The following RIC8B variants were observed in gnomAD, a reference collection of about 807,000 sequenced individuals.
RIC8B encodes RIC8 guanine nucleotide exchange factor B, also known as chaperone Ric-8B.
RIC8B carries 16 observed loss-of-function variants against 57.5 expected under a neutral mutation model. The observed-to-expected ratio is 0.28, with a 90% CI of 0.19 to 0.42. The LOEUF (loss-of-function observed/expected upper bound fraction) is 0.42. Among genes scored for constraint, RIC8B ranks in the 10% least tolerant of loss-of-function variants. RIC8B has a pLI of 1.00. For synonymous variants in RIC8B, 216 were observed against 250.8 expected (o/e 0.86, Z 1.31); for missense variants, 481 against 677.0 (o/e 0.71, Z 3.21).
chr12:106,813,469 C>T lies in RIC8B; in HGVS notation c.133-1227C>T, dbSNP rs184285008. On this transcript the variant is annotated intron_variant, in intron 2 of 9. Transcript: ENST00000392837. ...CCTCTTGAAGTGCTGGGATTACAGGCGTGAGCCACTGCGTCCAGCCTTCTA... is the reference window on the plus strand; with the variant it reads ...CCTCTTGAAGTGCTGGGATTACAGGTGTGAGCCACTGCGTCCAGCCTTCTA... 2.0e-3 allele frequency among the ~76,000 whole-genome samples: 309 copies of T among 152,240 alleles called. 1 individual carries two copies. Among genetic ancestry groups the T allele is most frequent in the African/African-American group, 6.5e-3 (271 of 41,550 alleles).
intron 6 of RIC8B, among the ~76,000 whole-genome samples, chr12:106,846,723 CAAAA>C (rs35399211): frequency 1.7e-5 from 2 of 120,538 alleles, no homozygotes; most frequent in Non-Finnish European, 3.6e-5. Context: ...ACAGAACAGC[CAAAA>C]AAAAAAAAAA....
chr12:106,780,887 C>T (rs1437592169), intron 1 of RIC8B, among the ~76,000 whole-genome samples: 1 of 152,108 alleles, frequency 6.6e-6, no homozygotes, highest in African/African-American at 2.4e-5. Context: ...TGCAAGGTGC[C>T]ATGCTTATAA....
At chr12:106,776,453 A>G (rs1411380803) in intron 1 of RIC8B, among the ~76,000 whole-genome samples, 1 of 152,234 alleles carries the variant, frequency 6.6e-6, no homozygotes, top group Admixed American at 6.5e-5. Context: ...ATGTTTATTT[A>G]GCACTTACTA....
chr12:106,823,148 C>T (rs1221598620), intron 3 of RIC8B: 4 of 218,330 alleles, frequency 1.8e-5, no homozygotes, highest in Non-Finnish European at 2.8e-5. Context: ...AACACACACC[C>T]TCTTTCCTCA....
At chr12:106,802,437 A>G (rs531554835) in intron 2 of RIC8B, among the ~76,000 whole-genome samples, 1 of 152,184 alleles carries the variant, frequency 6.6e-6, no homozygotes, top group Admixed American at 6.5e-5. Flanking sequence ...ACAAAAAAGC[A>G]GGGAAGGAGG....
At chr12:106,789,292 A>G (rs181503645) in intron 2 of RIC8B, among the ~76,000 whole-genome samples, 6 of 152,166 alleles carry the variant, frequency 3.9e-5, no homozygotes, top group African/African-American at 1.4e-4. Context: ...AGGAGGTTCC[A>G]AACTTTCCCA....
At chr12:106,853,358 T>C (rs1366553324) in intron 7 of RIC8B, among the ~76,000 whole-genome samples, 2 of 151,456 alleles carry the variant, frequency 1.3e-5, no homozygotes, top group African/African-American at 4.8e-5. Flanking sequence ...TTGGACCCAG[T>C]ATTTAGTTTC....
At chr12:106,822,824 A>G (rs2045913646) in intron 3 of RIC8B, 1 of 152,610 alleles carries the variant, frequency 6.6e-6, no homozygotes, top group Non-Finnish European at 1.5e-5. Context: ...TACACAGAGT[A>G]GTGTGAATGA....
chr12:106,825,530 A>G (rs1037013), intron 3 of RIC8B, among the ~76,000 whole-genome samples, 196 bp from the exon 4 acceptor site: 69,113 of 152,012 alleles, frequency 0.45, 16,242 homozygotes, highest in African/African-American at 0.57. Context: ...CAGCATTTCT[A>G]GAAGTGGTTA....
chr12:106,874,669 CT>C, intron 9 of RIC8B: 1 of 887,316 alleles, frequency 1.1e-6, no homozygotes, highest in South Asian at 1.6e-5. Flanking sequence ...AATTACATTT[CT>C]ATTTTGCCTC....
chr12:106,850,196 C>A (rs1949404150), intron 6 of RIC8B, among the ~76,000 whole-genome samples: 1 of 152,188 alleles, frequency 6.6e-6, no homozygotes, highest in Non-Finnish European at 1.5e-5. Flanking sequence ...AACCACCCAC[C>A]AAGCCCCAGT....
chr12:106,880,572 C>T (rs1950877942), intron 9 of RIC8B, among the ~76,000 whole-genome samples: 1 of 152,148 alleles, frequency 6.6e-6, no homozygotes, highest in Admixed American at 6.5e-5. Flanking sequence ...TCAGTCTATA[C>T]CAGTTAGTTA....
chr12:106,789,544 C>T (rs1244232210), intron 2 of RIC8B, among the ~76,000 whole-genome samples: 6 of 151,960 alleles, frequency 3.9e-5, no homozygotes, highest in East Asian at 3.9e-4. Flanking sequence ...TGGTGGGAGG[C>T]GAAAGGTACT....
At chr12:106,874,447 T>G in intron 9 of RIC8B, 1 of 1,505,576 alleles carries the variant, frequency 6.6e-7, no homozygotes. Context: ...GGCCAATGAA[T>G]GGACACTAGA....
At chr12:106,782,222 T>C (rs547317795) in intron 1 of RIC8B, among the ~76,000 whole-genome samples, 3 of 152,332 alleles carry the variant, frequency 2.0e-5, no homozygotes, top group Non-Finnish European at 4.4e-5. Context: ...TCTTCCACTA[T>C]GTTGGATGAC....
chr12:106,775,827 A>G (rs1322278747), intron 1 of RIC8B, among the ~76,000 whole-genome samples: 1 of 152,150 alleles, frequency 6.6e-6, no homozygotes, highest in East Asian at 1.9e-4. Context: ...GTGAAAACAC[A>G]CCCAACACCA....
Position 106,814,943 on chromosome 12 carries a change from A to G in RIC8B, c.380A>G (p.Asn127Ser). The G allele has an allele frequency of 6.2e-7, 1 of 1,614,214 alleles. No homozygotes were observed. Among genetic ancestry groups the G allele is most frequent in the Non-Finnish European group, 8.5e-7 (1 of 1,180,030 alleles). Residue 127 changes from asparagine to serine, a missense_variant, in exon 3 of 10, where the codon AAC becomes AGC. Physicochemically the swap from Asn to Ser is conservative, Grantham distance 46. Around this residue, in one of 3 missense-constraint regions of RIC8B, gnomAD observed 421 missense variants for 560.9 expected, o/e 0.75. Transcript: ENST00000392837. ...SLKCLCNIVF[N>S]SQMAQQLSLE... The stretch of plus-strand genomic sequence containing the variant: ...AAATGTCTGTGTAATATAGTGTTCA[A>G]CAGTCAGATGGCACAGCAGCTCAGC...
At chr12:106,832,229 T>G (rs1318370604) in intron 4 of RIC8B, among the ~76,000 whole-genome samples, 1 of 152,196 alleles carries the variant, frequency 6.6e-6, no homozygotes, top group African/African-American at 2.4e-5. Flanking sequence ...ATTTTTTTCA[T>G]GGTACTTATC....
At chr12:106,851,744 A>G (rs1323498262) in intron 7 of RIC8B, 150 bp downstream of exon 7, 3 of 650,084 alleles carry the variant, frequency 4.6e-6, no homozygotes, top group Non-Finnish European at 7.6e-6. Context: ...AATAAAAATT[A>G]ATAGCCAAAA....
Sources: allele counts gnomAD v4.1 joint callset (sites outside exome capture counted in the v4.1 genomes callset), GRCh38; gene constraint gnomAD v4.1.1; regional missense constraint gnomAD v4.1.1; transcripts MANE v1.5; gene names NCBI Gene and HGNC (gene_info 2026-07-23, HGNC 2026-07-21).